Variants in B3GLCT observed in about 807,000 individuals in gnomAD.
B3GLCT encodes beta 3-glucosyltransferase, also known as beta-1,3-glucosyltransferase.
In B3GLCT, 65 loss-of-function variants were observed where a neutral mutation model predicts 63.4. That is an observed-to-expected ratio of 1.03 (90% CI 0.84 to 1.26). The LOEUF is 1.26. Among genes scored for constraint, B3GLCT ranks in the 50% most tolerant of loss-of-function variants. B3GLCT has a pLI of 0.00. For missense variants in B3GLCT, 577 were observed against 604.8 expected (o/e 0.95, Z 0.48); for synonymous variants, 233 against 219.2 (o/e 1.06, Z -0.55).
In B3GLCT at chr13:31,282,454, A is replaced by G. The variant is rs920771311; in HGVS notation, c.851-2194A>G. ...GGAAATCAAGACCATCCTGGCTAAC[A>G]CGGTGAAACCCTGTCTCTACTAAAA... On this transcript the variant is annotated intron_variant, in intron 10 of 14. Transcript: ENST00000343307. 5.9e-5 allele frequency among the ~76,000 whole-genome samples: 9 copies of G among 152,204 alleles called. No homozygotes were observed. In the South Asian group the frequency reaches 1.9e-3, roughly 32 times the overall value.
At chr13:31,209,112 G>C (rs1869131314) in intron 1 of B3GLCT, among the ~76,000 whole-genome samples, 1 of 152,208 alleles carries the variant, frequency 6.6e-6, no homozygotes, top group Non-Finnish European at 1.5e-5. Flanking sequence ...AAAAACGTAC[G>C]GAGTGACAGG....
At chr13:31,232,446 CT>C (rs1870428363) in intron 4 of B3GLCT, among the ~76,000 whole-genome samples, 1 of 151,990 alleles carries the variant, frequency 6.6e-6, no homozygotes, top group South Asian at 2.1e-4. Context: ...GTGCTACACA[CT>C]TTTAAGCAAT....
At chr13:31,225,325 C>T (rs1490694860) in intron 3 of B3GLCT, among the ~76,000 whole-genome samples, 10 of 152,122 alleles carry the variant, frequency 6.6e-5, no homozygotes, top group Non-Finnish European at 1.2e-4. Flanking sequence ...GCAGCAGGAG[C>T]TTAAGAGTCA....
chr13:31,275,448 A>G (rs978856491), intron 9 of B3GLCT, among the ~76,000 whole-genome samples: 1 of 152,258 alleles, frequency 6.6e-6, no homozygotes, highest in East Asian at 1.9e-4. Flanking sequence ...TGTAGGATGC[A>G]TTGATTAGAA....
intron 5 of B3GLCT, among the ~76,000 whole-genome samples, 184 bp from the exon 6 acceptor site, chr13:31,247,671 C>T (rs562767907): frequency 2.7e-4 from 41 of 152,294 alleles, no homozygotes; most frequent in African/African-American, 9.1e-4. Context: ...ATTAACTTTA[C>T]GAACTCCAGC....
Position 31,213,616 on chromosome 13 carries a change from A to ACCC in B3GLCT, c.71-1433_71-1431dup, listed in dbSNP as rs1243633056. 2.3e-4 allele frequency among the ~76,000 whole-genome samples: 13 copies of ACCC among 56,860 alleles called. No individual in the cohort carries two copies. The East Asian group carries it at 6.3e-3, about 28-fold the overall frequency. The allele number at this position is 56,860 out of a possible 152,430, so 37.3% of individuals were successfully genotyped here. Reference sequence around the variant, plus strand: ...AACAAAAACAAAACAACACCCCCCCACCCCACCCCCCCCCCCCGCCAAAAC... The same window carrying ACCC: ...AACAAAAACAAAACAACACCCCCCCACCCCCCCACCCCCCCCCCCCGCCAAAAC... On this transcript the variant is annotated intron_variant, in intron 1 of 14. Coordinates refer to ENST00000343307, the MANE Select transcript of B3GLCT (RefSeq NM_194318.4).
chr13:31,203,463 A>G (rs1307292163), intron 1 of B3GLCT, among the ~76,000 whole-genome samples: 2 of 152,110 alleles, frequency 1.3e-5, no homozygotes, highest in African/African-American at 4.8e-5. Flanking sequence ...AATTCGAAGG[A>G]GGTGCTTTGA....
chr13:31,317,120 G>A (rs1875079285), intron 12 of B3GLCT, among the ~76,000 whole-genome samples: 1 of 152,164 alleles, frequency 6.6e-6, no homozygotes, highest in African/African-American at 2.4e-5. Flanking sequence ...GCATCTCAGT[G>A]GCTCCTTTTT....
chr13:31,225,309 G>A (rs1265554179), intron 3 of B3GLCT, among the ~76,000 whole-genome samples: 1 of 152,152 alleles, frequency 6.6e-6, no homozygotes, highest in Non-Finnish European at 1.5e-5. Context: ...TAGCTCTGTG[G>A]ACTGGGCAGC....
intron 12 of B3GLCT, among the ~76,000 whole-genome samples, chr13:31,301,402 A>G (rs982272281): frequency 6.6e-6 from 1 of 152,240 alleles, no homozygotes; most frequent in Non-Finnish European, 1.5e-5. Context: ...AAGGATTTAC[A>G]TATCTTCTGT....
chr13:31,211,828 T>C (rs1334116315), intron 1 of B3GLCT, among the ~76,000 whole-genome samples: 2 of 152,220 alleles, frequency 1.3e-5, no homozygotes, highest in African/African-American at 4.8e-5. Context: ...GGTGATACAT[T>C]AGTAATTTTC....
chr13:31,321,484 A>C (rs1298483936), intron 13 of B3GLCT, among the ~76,000 whole-genome samples: 1 of 152,266 alleles, frequency 6.6e-6, no homozygotes, highest in East Asian at 1.9e-4. Flanking sequence ...AGTGCATTCC[A>C]TGTCATAAGG....
chr13:31,211,701 T>C (rs987414185), intron 1 of B3GLCT, among the ~76,000 whole-genome samples: 1 of 152,130 alleles, frequency 6.6e-6, no homozygotes, highest in African/African-American at 2.4e-5. Context: ...GAATGGTGTG[T>C]TGATTACGAC....
chr13:31,237,747 A>G (rs1415017434), intron 4 of B3GLCT, among the ~76,000 whole-genome samples: 2 of 152,198 alleles, frequency 1.3e-5, no homozygotes, highest in African/African-American at 4.8e-5. Flanking sequence ...ACTAAGAGGC[A>G]TAAGTTGTTG....
chr13:31,223,271 G>A (rs1220924646), intron 3 of B3GLCT, among the ~76,000 whole-genome samples: 1 of 152,202 alleles, frequency 6.6e-6, no homozygotes, highest in East Asian at 1.9e-4. Context: ...TAAGGATAAA[G>A]CACCATGCCT....
chr13:31,246,771 T>C (rs903220468), intron 4 of B3GLCT, among the ~76,000 whole-genome samples: 1 of 151,938 alleles, frequency 6.6e-6, no homozygotes, highest in African/African-American at 2.4e-5. Context: ...TCTATTTGGG[T>C]GTGTGGGTGG....
intron 12 of B3GLCT, chr13:31,312,357 C>T (rs1414717333): frequency 6.6e-6 from 1 of 151,988 alleles, no homozygotes; most frequent in Non-Finnish European, 1.5e-5. Context: ...TATGTGTAAG[C>T]CAAACACAGT....
chr13:31,327,903 G>A (rs1875714892), intron 14 of B3GLCT, among the ~76,000 whole-genome samples: 1 of 152,176 alleles, frequency 6.6e-6, no homozygotes, highest in African/African-American at 2.4e-5. Flanking sequence ...TTTCTTCGCA[G>A]ATATTATTGT....
At chr13:31,308,347 T>TA (rs1169835730) in intron 12 of B3GLCT, among the ~76,000 whole-genome samples, 1,860 of 23,674 alleles carry the variant, frequency 0.079, 167 homozygotes, top group African/African-American at 0.16. Flanking sequence ...AAAAAAAAAT[T>TA]AAAAAAAAAA....
Sources: gnomAD v4.1 joint callset for allele counts (sites outside exome capture counted in the v4.1 genomes callset) on GRCh38, gnomAD v4.1.1 for gene constraint, MANE v1.5 for transcripts, NCBI Gene and HGNC (gene_info 2026-07-23, HGNC 2026-07-21) for gene names.